UNC5D: variants seen among roughly 807,000 people sequenced by gnomAD.
UNC5D encodes the protein netrin receptor UNC5D.
In UNC5D, 39 loss-of-function variants were observed where a neutral mutation model predicts 105.4. The observed-to-expected ratio is 0.37, with a 90% CI of 0.29 to 0.48. The LOEUF is 0.48. UNC5D is among the 20% of genes least tolerant of loss of function. The pLI is 0.98. For missense variants in UNC5D, 991 were observed against 1,202.4 expected, an observed-to-expected ratio of 0.82 and a Z score of 2.60; for synonymous variants, 452 against 450.4, an observed-to-expected ratio of 1.00 and a Z score of -0.04.
intron 1 of UNC5D, among the ~76,000 whole-genome samples, chr8:35,455,736 A>G (rs1180715703): frequency 1.3e-5 from 2 of 152,152 alleles, no homozygotes; most frequent in Non-Finnish European, 2.9e-5. Context: ...AGGAGGCCTC[A>G]CAATCATGGC....
intron 3 of UNC5D, among the ~76,000 whole-genome samples, chr8:35,581,214 A>G (rs1818452804): frequency 6.6e-6 from 1 of 152,084 alleles, no homozygotes; most frequent in Non-Finnish European, 1.5e-5. Context: ...TAAATATTGT[A>G]GTATTCTAGA....
At chr8:35,301,955 G>A (rs540026563) in intron 1 of UNC5D, among the ~76,000 whole-genome samples, 3 of 152,076 alleles carry the variant, frequency 2.0e-5, no homozygotes, top group African/African-American at 4.8e-5. Flanking sequence ...AAAATTATTC[G>A]ACACGGACAG....
At chr8:35,637,802 T>C (rs1822475697) in intron 4 of UNC5D, among the ~76,000 whole-genome samples, 1 of 152,200 alleles carries the variant, frequency 6.6e-6, no homozygotes, top group Admixed American at 6.5e-5. Flanking sequence ...CATTCTTGCA[T>C]GATAATGAGG....
chr8:35,442,011 A>G (rs1422351979), intron 1 of UNC5D, among the ~76,000 whole-genome samples: 1 of 151,956 alleles, frequency 6.6e-6, no homozygotes, highest in African/African-American at 2.4e-5. Flanking sequence ...ACCATAGCAC[A>G]TGTTGTCCTC....
chr8:35,427,425 G>A lies in UNC5D; in HGVS notation c.104-121867G>A, dbSNP rs189861428. Among the ~76,000 whole-genome samples the A allele has an allele frequency of 3.2e-4, 48 of 152,252 alleles. No homozygotes were observed. The East Asian group carries it at 8.1e-3, about 26-fold the overall frequency. On this transcript the variant is annotated intron_variant, in intron 1 of 16. Coordinates refer to ENST00000404895, the MANE Select transcript of UNC5D (RefSeq NM_080872.4). ...TGGGTCCCGAGATTTTCAGACTGCC[G>A]CTGTATGAAATTCTACTTACCAAAT...
chr8:35,493,281 C>CAAAA (rs35199794), intron 1 of UNC5D, among the ~76,000 whole-genome samples: 740 of 66,432 alleles, frequency 0.011, 9 homozygotes, highest in East Asian at 0.026. Flanking sequence ...AGTCTGTGAC[C>CAAAA]AAAAAAAAAA....
intron 13 of UNC5D, among the ~76,000 whole-genome samples, chr8:35,754,974 CA>C (rs1399841684): frequency 2.0e-5 from 3 of 152,142 alleles, no homozygotes; most frequent in Non-Finnish European, 4.4e-5. Context: ...AATAAGAAGA[CA>C]AGCAGTAAAT....
chr8:35,764,203 T>C (rs986699459), intron 14 of UNC5D, among the ~76,000 whole-genome samples: 5 of 152,128 alleles, frequency 3.3e-5, no homozygotes, highest in Admixed American at 1.3e-4. Flanking sequence ...ATGATGGCAA[T>C]CAGTTTCCAA....
intron 1 of UNC5D, among the ~76,000 whole-genome samples, chr8:35,338,390 TG>T (rs1355025929): frequency 6.6e-6 from 1 of 152,310 alleles, no homozygotes; most frequent in East Asian, 1.9e-4. Context: ...AAGCCAGTTT[TG>T]GTTTTTCTGG....
At chr8:35,655,251 A>G (rs909374014) in intron 4 of UNC5D, among the ~76,000 whole-genome samples, 3 of 152,202 alleles carry the variant, frequency 2.0e-5, no homozygotes, top group African/African-American at 7.2e-5. Context: ...GTTTTAGCCA[A>G]TTACCACATG....
chr8:35,738,038 G>A lies in UNC5D; in HGVS notation c.1766+6942G>A, dbSNP rs542060687. Among the ~76,000 whole-genome samples, 70 of 152,214 alleles carry A rather than the reference G, an allele frequency of 4.6e-4. 1 individual carries two copies. Among genetic ancestry groups the A allele is most frequent in the Admixed American group, 1.5e-3 (23 of 15,284 alleles). ...GGAGAATCGCTTGAACCCAGGAGGT[G>A]GAGATTGTAGTGAGCCAAGATCAAG... On this transcript the variant is annotated intron_variant, in intron 11 of 16. Transcript: ENST00000404895.
At chr8:35,706,172 G>A (rs571490078) in intron 8 of UNC5D, among the ~76,000 whole-genome samples, 36 of 152,178 alleles carry the variant, frequency 2.4e-4, no homozygotes, top group African/African-American at 7.2e-4. Context: ...AAAATAAATC[G>A]CTCCTCTTGA....
At chr8:35,444,447 T>C (rs1197067448) in intron 1 of UNC5D, among the ~76,000 whole-genome samples, 2 of 152,234 alleles carry the variant, frequency 1.3e-5, no homozygotes, top group East Asian at 3.9e-4. Context: ...AATTTTCTTT[T>C]TCCCTTTCAA....
At chr8:35,492,915 A>C (rs1585970951) in intron 1 of UNC5D, among the ~76,000 whole-genome samples, 1 of 152,226 alleles carries the variant, frequency 6.6e-6, no homozygotes, top group South Asian at 2.1e-4. Context: ...AGCTGCTCAA[A>C]AGAATAGATA....
Position 35,620,339 on chromosome 8 carries a change from A to G in UNC5D, c.570+24682A>G, listed in dbSNP as rs565564504. Among the ~76,000 whole-genome samples, 6 of 152,202 alleles carry G rather than the reference A, an allele frequency of 3.9e-5. No homozygotes were observed. The South Asian group carries it at 1.2e-3, about 32-fold the overall frequency. ...TGAAGCCTGTGTTAAAGGCAAACAA[A>G]GGAGAGTTGAGTTTTGTCATCATTG... On this transcript the variant is annotated intron_variant, in intron 4 of 16. Coordinates refer to ENST00000404895, the MANE Select transcript of UNC5D (RefSeq NM_080872.4).
rs1249800726 is a variant in UNC5D, at chr8:35,726,491, T to G, written c.1643T>G (p.Phe548Cys). 6.2e-7 allele frequency: 1 copy of G among 1,613,888 alleles called. No homozygotes were observed. Residue 548 changes from phenylalanine (F) to cysteine (C), a missense_variant, in exon 10 of 17, where the codon TTT becomes TGT. By Grantham distance (205) the Phe-to-Cys change is radical. Around this residue, in one of 3 missense-constraint regions of UNC5D, gnomAD observed 944 missense variants for 1,131.6 expected, o/e 0.83. Transcript: ENST00000404895. Reference sequence around the variant, plus strand: ...ACAGAACTGAGGACAACTGGTGTCTTTGGCCATTTAGGGGGGCGCTTAGTA... The same window carrying G: ...ACAGAACTGAGGACAACTGGTGTCTGTGGCCATTTAGGGGGGCGCTTAGTA... ...TRTELRTTGV[F>C]GHLGGRLVMP...
At chr8:35,626,836 C>A (rs536219357) in intron 4 of UNC5D, among the ~76,000 whole-genome samples, 1 of 150,132 alleles carries the variant, frequency 6.7e-6, no homozygotes, top group East Asian at 1.9e-4. Flanking sequence ...CTTGCTGATA[C>A]TTTTTTTTTT....
chr8:35,697,357 T>C (rs1255767369), intron 7 of UNC5D, among the ~76,000 whole-genome samples: 2 of 151,476 alleles, frequency 1.3e-5, no homozygotes, highest in Non-Finnish European at 2.9e-5. Context: ...TTGGAGATTA[T>C]GTATTTTTTA....
intron 1 of UNC5D, among the ~76,000 whole-genome samples, chr8:35,401,509 A>G (rs1804463680): frequency 6.6e-6 from 1 of 152,164 alleles, no homozygotes; most frequent in South Asian, 2.1e-4. Context: ...CTGGGAGAGA[A>G]ATACTTGACA....
Sources: gnomAD v4.1 joint callset for allele counts (sites outside exome capture counted in the v4.1 genomes callset) on GRCh38, gnomAD v4.1.1 for gene constraint, gnomAD v4.1.1 regional missense constraint, MANE v1.5 for transcripts, NCBI Gene and HGNC (gene_info 2026-07-23, HGNC 2026-07-21) for gene names.